The following CFAP20DC variants were observed in gnomAD, a reference collection of about 807,000 sequenced individuals.
The protein encoded by CFAP20DC is CFAP20 domain containing, also known as protein CFAP20DC.
CFAP20DC carries 84 observed loss-of-function variants against 101.7 expected under a neutral mutation model. The ratio of observed to expected loss-of-function variants is 0.83; its 90% CI spans 0.69 to 0.99. CFAP20DC has a LOEUF of 0.99. CFAP20DC is among the 50% of genes least tolerant of loss of function. The pLI, the probability that CFAP20DC is intolerant of heterozygous loss-of-function variation, is 0.00. For synonymous variants in CFAP20DC, 359 were observed against 351.2 expected, an observed-to-expected ratio of 1.02 and a Z score of -0.25; for missense variants, 1,007 against 970.3, an observed-to-expected ratio of 1.04 and a Z score of -0.50.
chr3:58,860,608 G>GA (rs1403176053), intron 12 of CFAP20DC, among the ~76,000 whole-genome samples: 4 of 151,988 alleles, frequency 2.6e-5, no homozygotes, highest in African/African-American at 9.7e-5. Flanking sequence ...AGAATTCAGG[G>GA]AAAAAATGGT....
At chr3:58,751,867 A>ACACACACACACACACAC (rs1553645550) in intron 16 of CFAP20DC, among the ~76,000 whole-genome samples, 170 of 136,218 alleles carry the variant, frequency 1.2e-3, no homozygotes, top group African/African-American at 4.1e-3. Flanking sequence ...ACACACACAC[A>ACACACACACACACACAC]AAATTTCCTC....
At chr3:58,945,287 C>A (rs1378513386) in intron 4 of CFAP20DC, among the ~76,000 whole-genome samples, 3 of 152,104 alleles carry the variant, frequency 2.0e-5, no homozygotes, top group Non-Finnish European at 2.9e-5. Context: ...TCCCTATAAA[C>A]ACATGCATAG....
intron 13 of CFAP20DC, among the ~76,000 whole-genome samples, chr3:58,848,037 G>A (rs1260740225): frequency 8.4e-6 from 1 of 118,416 alleles, no homozygotes; most frequent in African/African-American, 3.2e-5. Context: ...GGAGGGGGGA[G>A]GGATAGCATC....
chr3:58,971,382 A>T lies in CFAP20DC; in HGVS notation c.279-33620T>A, dbSNP rs1481980368. ...AATCAAAATTTGACAGTATCCAACA[A>T]GAGGAAAATCTGTCAAATGTTTTAA... On this transcript the variant is annotated intron_variant, in intron 4 of 16. Coordinates refer to ENST00000482387, the MANE Select transcript of CFAP20DC (RefSeq NM_001394063.1). This position sits in a 1 kb window ranked among gnomAD's most constrained non-coding sequence, Gnocchi z 4.1. 1.3e-5 allele frequency among the ~76,000 whole-genome samples: 2 copies of T among 152,174 alleles called. No homozygotes were observed. Among genetic ancestry groups the T allele is most frequent in the Non-Finnish European group, 2.9e-5 (2 of 68,022 alleles).
At chr3:59,020,005 T>C (rs1203158666) in intron 4 of CFAP20DC, among the ~76,000 whole-genome samples, 1 of 152,116 alleles carries the variant, frequency 6.6e-6, no homozygotes, top group Non-Finnish European at 1.5e-5. Flanking sequence ...TTCTATAATA[T>C]TTAGCCAGAG....
intron 3 of CFAP20DC, among the ~76,000 whole-genome samples, chr3:58,720,875 T>C (rs769290643): frequency 2.0e-5 from 3 of 152,228 alleles, no homozygotes; most frequent in Non-Finnish European, 4.4e-5. Flanking sequence ...CACAGAAATG[T>C]AAATTACAAA....
chr3:58,886,045 G>A (rs2081600291), intron 6 of CFAP20DC, among the ~76,000 whole-genome samples: 1 of 151,742 alleles, frequency 6.6e-6, no homozygotes, highest in Non-Finnish European at 1.5e-5. Context: ...AATATATTAA[G>A]CTTTGTCATT....
downstream of CFAP20DC, among the ~76,000 whole-genome samples, chr3:58,739,277 T>C (rs2067828049): frequency 6.6e-6 from 1 of 152,186 alleles, no homozygotes; most frequent in Non-Finnish European, 1.5e-5. Flanking sequence ...TGTAATTACA[T>C]GATAATTTTG....
chr3:58,923,771 G>T (rs1321930933), intron 5 of CFAP20DC, among the ~76,000 whole-genome samples: 1 of 151,956 alleles, frequency 6.6e-6, no homozygotes, highest in African/African-American at 2.4e-5. Flanking sequence ...TATTCAATCT[G>T]TATATTTTTA....
chr3:58,755,087 C>G (rs1448841868), intron 15 of CFAP20DC, among the ~76,000 whole-genome samples: 2 of 152,100 alleles, frequency 1.3e-5, no homozygotes, highest in Non-Finnish European at 2.9e-5. Flanking sequence ...ACAGTCTATA[C>G]AACAGAGATT....
At chr3:58,807,072 G>T (rs975194339) in intron 14 of CFAP20DC, among the ~76,000 whole-genome samples, 1 of 152,274 alleles carries the variant, frequency 6.6e-6, no homozygotes, top group African/African-American at 2.4e-5. Flanking sequence ...CAGGAAGCTC[G>T]ACCTGGGTGG....
At chr3:58,717,327 G>A (rs535326470), downstream of CFAP20DC, 73 of 217,552 alleles carry the variant, frequency 3.4e-4, no homozygotes, top group South Asian at 2.1e-3. The surrounding 1 kb of genome is among the most constrained non-coding windows in gnomAD (Gnocchi z 4.1). Flanking sequence ...CTGGTCTGCC[G>A]TCCACACTCA....
At chr3:59,000,431 T>C (rs1373945795) in intron 4 of CFAP20DC, among the ~76,000 whole-genome samples, 3 of 152,200 alleles carry the variant, frequency 2.0e-5, no homozygotes, top group African/African-American at 7.2e-5. Flanking sequence ...AGCATGATCA[T>C]GGTAAAGACA....
At chr3:58,937,976 A>T (rs1241719829) in intron 4 of CFAP20DC, among the ~76,000 whole-genome samples, 2 of 152,184 alleles carry the variant, frequency 1.3e-5, no homozygotes, top group African/African-American at 4.8e-5. Flanking sequence ...AAATTCACTT[A>T]ATATGCTAAT....
At chr3:58,934,249 A>G (rs2087180935) in intron 5 of CFAP20DC, among the ~76,000 whole-genome samples, 1 of 152,236 alleles carries the variant, frequency 6.6e-6, no homozygotes, top group African/African-American at 2.4e-5. Context: ...GAATAGACCA[A>G]TAACAGGCTC....
rs574687641 is a variant in CFAP20DC, at chr3:58,808,681, A to G, written c.2176-2225T>C. Among the ~76,000 whole-genome samples, 18 of 152,344 alleles carry G rather than the reference A, an allele frequency of 1.2e-4. 1 individual carries two copies. The highest frequency in any genetic ancestry group is 1.0e-3 in the Admixed American group (16 of 15,306). ...CTAATGAGCAAAATAACCAGCTAACATCATAATGACAGGATCAAATTCACA... is the reference window on the plus strand; with the variant it reads ...CTAATGAGCAAAATAACCAGCTAACGTCATAATGACAGGATCAAATTCACA... On this transcript the variant is annotated intron_variant, in intron 14 of 16. Coordinates refer to ENST00000482387, the MANE Select transcript of CFAP20DC (RefSeq NM_001394063.1).
chr3:58,717,402 A>T lies in CFAP20DC; in HGVS notation c.*186T>A, dbSNP rs2067412181. ...TGAAAATGTAATCTCTTTCCGCTCA[A>T]GTTCATGAAACTCTGAATTGTGTCC... On this transcript the variant is annotated 3_prime_UTR_variant, in exon 4 of 4. Transcript: ENST00000486145. This position sits in a 1 kb window ranked among gnomAD's most constrained non-coding sequence, Gnocchi z 4.1. 4.5e-6 allele frequency: 1 copy of T among 223,990 alleles called. No individual in the cohort carries two copies. Among genetic ancestry groups the T allele is most frequent in the Non-Finnish European group, 9.2e-6 (1 of 108,698 alleles). The allele number at this position is 223,990 out of a possible 1,614,324, so 13.9% of individuals were successfully genotyped here. A position where few individuals can be genotyped will look rare whatever the true frequency, so the allele number is the denominator to read the frequency against.
intron 4 of CFAP20DC, among the ~76,000 whole-genome samples, chr3:58,963,252 G>C (rs2091299684): frequency 7.9e-6 from 1 of 127,326 alleles, no homozygotes; most frequent in African/African-American, 2.8e-5. Context: ...TTTAATAAAT[G>C]CTTCCTAATT....
intron 13 of CFAP20DC, among the ~76,000 whole-genome samples, chr3:58,846,913 G>A (rs1293083348): frequency 2.7e-5 from 4 of 150,396 alleles, no homozygotes; most frequent in Admixed American, 6.6e-5. Context: ...AAACAATGGG[G>A]AAAGGATTCC....
Sources: gnomAD v4.1 joint callset for allele counts (sites outside exome capture counted in the v4.1 genomes callset) on GRCh38, gnomAD v4.1.1 for gene constraint, Gnocchi (gnomAD v3.1) non-coding constraint, MANE v1.5 for transcripts, NCBI Gene and HGNC (gene_info 2026-07-23, HGNC 2026-07-21) for gene names.